LPAR3: variants seen among roughly 807,000 people sequenced by gnomAD.
LPAR3 encodes lysophosphatidic acid receptor 3, also known as LPA receptor 3.
LPAR3 carries 7 observed loss-of-function variants against 17.8 expected under a neutral mutation model. The ratio of observed to expected loss-of-function variants is 0.39; its 90% confidence interval spans 0.22 to 0.74. The LOEUF (loss-of-function observed/expected upper bound fraction) is 0.74. LPAR3 is among the 30% of genes least tolerant of loss of function. The pLI is 0.40. For missense variants in LPAR3, 391 were observed against 453.4 expected (o/e 0.86, Z 1.25); for synonymous variants, 179 against 179.9 (o/e 0.99, Z 0.04).
At chr1:84,889,212 CT>C (rs1259390848) in intron 1 of LPAR3, among the ~76,000 whole-genome samples, 8 of 152,216 alleles carry the variant, frequency 5.3e-5, no homozygotes, top group East Asian at 3.9e-4. Flanking sequence ...CTCCCCCACC[CT>C]CCAGCTGGCT....
intron 1 of LPAR3, among the ~76,000 whole-genome samples, chr1:84,871,013 T>A (rs1660149390): frequency 6.6e-6 from 1 of 152,174 alleles, no homozygotes. Context: ...GAGAAGACAC[T>A]TTTCTGAAAA....
At position 84,814,160 on chromosome 1, in the gene LPAR3, C is replaced by T. The variant is rs771500411; in HGVS notation, c.748G>A (p.Val250Ile). 6.2e-7 allele frequency: 1 copy of T among 1,613,638 alleles called. No homozygotes were observed. The highest frequency in any genetic ancestry group is 8.5e-7 in the Non-Finnish European group (1 of 1,179,840). The change falls in exon 3 of 3, where the codon GTA becomes ATA. Residue 250 changes from valine to isoleucine, a missense_variant. Val to Ile is a conservative substitution (Grantham distance 29). Transcript: ENST00000370611. Reference protein sequence around the residue: ...TVMTVLGAFVVCWTPGLVVLL... With the variant: ...TVMTVLGAFVICWTPGLVVLL... ...ACCACCAGGCCCGGGGTCCAGCATACCACAAACGCCCCTGCAAGGAGAGAA... is the reference window on the plus strand; with the variant it reads ...ACCACCAGGCCCGGGGTCCAGCATATCACAAACGCCCCTGCAAGGAGAGAA...
chr1:84,873,793 C>T (rs1400965674), intron 1 of LPAR3, among the ~76,000 whole-genome samples: 2 of 150,836 alleles, frequency 1.3e-5, no homozygotes. Context: ...TGCTCTGTCA[C>T]CCAGGCTGGA....
rs559289872 is a variant in LPAR3 at position 84,828,493 on chromosome 1, A to T, written c.737-14322T>A. 3.3e-5 allele frequency among the ~76,000 whole-genome samples: 5 copies of T among 152,286 alleles called. No individual in the cohort carries two copies. In the South Asian group the frequency reaches 8.3e-4, roughly 25 times the overall value. On this transcript the variant is annotated intron_variant, in intron 2 of 2. Coordinates refer to ENST00000370611, the MANE Select transcript of LPAR3 (RefSeq NM_012152.3). ...GTCTTTGTTTTCTAAAGGCTTTTTA[A>T]AAGTTTACTTTGTAATATACAAAGC...
At chr1:84,830,656 C>T (rs1282140390) in intron 2 of LPAR3, among the ~76,000 whole-genome samples, 2 of 152,154 alleles carry the variant, frequency 1.3e-5, no homozygotes, top group Non-Finnish European at 2.9e-5. Context: ...CCTGATCAGA[C>T]CAGACGCTTA....
At chr1:84,871,796 C>T (rs985011427) in intron 1 of LPAR3, among the ~76,000 whole-genome samples, 1 of 152,222 alleles carries the variant, frequency 6.6e-6, no homozygotes, top group African/African-American at 2.4e-5. Flanking sequence ...GCCATTCCCT[C>T]TGCCCAGAAG....
intron 1 of LPAR3, among the ~76,000 whole-genome samples, chr1:84,888,165 CACACACACACACACAG>C (rs1269529965): frequency 4.2e-5 from 4 of 95,632 alleles, no homozygotes; most frequent in Middle Eastern, 5.3e-3. Flanking sequence ...CACACACACA[CACACACACACACACAG>C]AGAGAGGCAG....
chr1:84,891,822 C>T (rs1660557045), intron 1 of LPAR3, among the ~76,000 whole-genome samples: 1 of 152,052 alleles, frequency 6.6e-6, no homozygotes, highest in African/African-American at 2.4e-5. Context: ...CATCTCAAGA[C>T]CAGGTAATGC....
rs146513127 is a variant in LPAR3 at position 84,813,962 on chromosome 1, G to T, written c.946C>A (p.Pro316Thr). 5 of 1,613,998 alleles carry T rather than the reference G, an allele frequency of 3.1e-6. No individual in the cohort carries two copies. Among genetic ancestry groups the T allele is most frequent in the South Asian group, 1.1e-5 (1 of 91,080 alleles). Residue 316 changes from proline (P) to threonine (T), a missense_variant, in exon 3 of 3, where the codon CCA becomes ACA. Physicochemically the swap from Pro to Thr is conservative, Grantham distance 38. Coordinates refer to ENST00000370611, the MANE Select transcript of LPAR3 (RefSeq NM_012152.3). The stretch of plus-strand genomic sequence containing the variant: ...GGGATGCGAGAGGGACGCCTCTCTG[G>T]GTTCTCCTGAGAGAAGCAGCAGATC... ...KMICCFSQENPERRPSRIPST... is the reference protein window; with the variant it reads ...KMICCFSQENTERRPSRIPST...
intron 1 of LPAR3, among the ~76,000 whole-genome samples, chr1:84,889,675 G>A (rs1660519075): frequency 6.6e-6 from 1 of 152,158 alleles, no homozygotes; most frequent in African/African-American, 2.4e-5. Context: ...TCAGAGGACG[G>A]GAGAGAGGAA....
chr1:84,865,481 T>C lies in LPAR3; in HGVS notation c.640A>G (p.Lys214Glu). ...VVYLRIYVYV[K>E]RKTNVLSPHT... is the part of the protein sequence containing the mutation. ...GGAGACAAGACGTTGGTTTTCCTCTTGACGTACACGTAGATCCGCAGGTAC... is the reference window on the plus strand; with the variant it reads ...GGAGACAAGACGTTGGTTTTCCTCTCGACGTACACGTAGATCCGCAGGTAC... Residue 214 changes from lysine (K) to glutamate (E), a missense_variant, in exon 2 of 3, where the codon AAG (lysine) becomes GAG (glutamate). Coordinates refer to ENST00000370611, the MANE Select transcript of LPAR3 (RefSeq NM_012152.3). 6.2e-7 allele frequency: 1 copy of C among 1,614,184 alleles called. No homozygotes were observed. Among genetic ancestry groups the C allele is most frequent in the Non-Finnish European group, 8.5e-7 (1 of 1,180,042 alleles).
At chr1:84,887,413 A>G (rs931807557) in intron 1 of LPAR3, among the ~76,000 whole-genome samples, 1 of 151,950 alleles carries the variant, frequency 6.6e-6, no homozygotes, top group East Asian at 1.9e-4. Flanking sequence ...GGCAACATTC[A>G]TAGAGGTGGC....
intron 2 of LPAR3, among the ~76,000 whole-genome samples, chr1:84,840,943 A>T (rs1659493098): frequency 6.6e-6 from 1 of 152,252 alleles, no homozygotes; most frequent in Non-Finnish European, 1.5e-5. Context: ...TTACCAAAGA[A>T]GATACAGAAA....
intron 2 of LPAR3, among the ~76,000 whole-genome samples, chr1:84,814,620 T>C (rs1658897308): frequency 1.3e-5 from 2 of 152,222 alleles, no homozygotes; most frequent in Non-Finnish European, 2.9e-5. Context: ...CCCTACATTC[T>C]GCTGTTACAG....
chr1:84,813,710 AT>A lies in LPAR3; in HGVS notation c.*135del. ...CCATGCTTTTAAACTATGAAAAAAA[AT>A]TTTTTAAAGAAATCTAGCAGTGATT... On this transcript the variant is annotated 3_prime_UTR_variant, in exon 3 of 3. Coordinates refer to ENST00000370611, the MANE Select transcript of LPAR3 (RefSeq NM_012152.3). 1.8e-5 allele frequency: 13 copies of A among 718,572 alleles called. No homozygotes were observed. The highest frequency in any genetic ancestry group is 2.9e-5 in the Non-Finnish European group (13 of 448,310). 44.5% of individuals were successfully genotyped at this position (718,572 alleles called of 1,614,324 possible).
chr1:84,876,815 A>G (rs2102770274), intron 1 of LPAR3, among the ~76,000 whole-genome samples: 1 of 152,306 alleles, frequency 6.6e-6, no homozygotes, highest in South Asian at 2.1e-4. Flanking sequence ...ACTTTTCCTA[A>G]TTATAACAAC....
chr1:84,814,003 C>T lies in LPAR3; in HGVS notation c.905G>A (p.Gly302Asp). Residue 302 changes from glycine (G) to aspartate (D), a missense_variant, in exon 3 of 3, where the codon GGC becomes GAC. Gly to Asp is a moderately conservative substitution (Grantham distance 94). Transcript: ENST00000370611. ...IYSYKDEDMY[G>D]TMKKMICCFS... ...GCAGCAGATCATCTTCTTCATGGTG[C>T]CATACATGTCCTCGTCCTTGTAGGA... is the stretch of plus-strand genomic sequence containing the variant. 6.2e-7 allele frequency: 1 copy of T among 1,614,180 alleles called. No individual in the cohort carries two copies. Among genetic ancestry groups the T allele is most frequent in the East Asian group, 2.2e-5 (1 of 44,880 alleles).
chr1:84,889,994 A>C (rs1397498207), intron 1 of LPAR3, among the ~76,000 whole-genome samples: 3 of 152,252 alleles, frequency 2.0e-5, no homozygotes, highest in Non-Finnish European at 4.4e-5. Context: ...AAGTGGGACT[A>C]GGATTCAAAG....
chr1:84,860,222 AC>A (rs1452928963), intron 2 of LPAR3, among the ~76,000 whole-genome samples: 2 of 151,982 alleles, frequency 1.3e-5, no homozygotes, highest in African/African-American at 4.8e-5. Context: ...TACCACCACT[AC>A]CCTCAAGGAA....
Sources: gnomAD v4.1 joint callset for allele counts (sites outside exome capture counted in the v4.1 genomes callset) on GRCh38, gnomAD v4.1.1 for gene constraint, MANE v1.5 for transcripts, NCBI Gene and HGNC (gene_info 2026-07-23, HGNC 2026-07-21) for gene names.